RPS6KA3: variants seen among roughly 807,000 people sequenced by gnomAD.
The protein encoded by RPS6KA3 is ribosomal protein S6 kinase alpha-3.
RPS6KA3 carries 4 observed loss-of-function variants against 67.2 expected under a neutral mutation model. The observed-to-expected ratio is 0.06, with a 90% CI of 0.03 to 0.14. The LOEUF (loss-of-function observed/expected upper bound fraction) is 0.14. Among genes scored for constraint, RPS6KA3 ranks in the 10% least tolerant of loss-of-function variants. The pLI, the probability that RPS6KA3 is intolerant of heterozygous loss-of-function variation, is 1.00. For missense variants in RPS6KA3, 204 were observed against 559.0 expected, an observed-to-expected ratio of 0.36 and a Z score of 6.40; for synonymous variants, 182 against 183.7, an observed-to-expected ratio of 0.99 and a Z score of 0.07.
intron 2 of RPS6KA3, among the ~76,000 whole-genome samples, chrX:20,216,074 C>G (rs1333363164): frequency 1.8e-5 from 2 of 112,064 alleles, no homozygotes; most frequent in African/African-American, 6.5e-5. Context: ...TTTACATTCT[C>G]TGGCACAACT....
chrX:20,198,894 T>C, intron 4 of RPS6KA3, among the ~76,000 whole-genome samples: 1 of 111,289 alleles, frequency 9.0e-6, no homozygotes, highest in African/African-American at 3.3e-5. Flanking sequence ...TTTTTTGAGA[T>C]GGAGTCTTGC....
chrX:20,161,851 T>G, intron 19 of RPS6KA3, 90 bp from the exon 20 acceptor site: 1 of 244,453 alleles, frequency 4.1e-6, no homozygotes, highest in Non-Finnish European at 6.6e-6. Context: ...TAATGTAATA[T>G]TTTATTAAAA....
chrX:20,189,602 A>T (rs2068073487), intron 7 of RPS6KA3, among the ~76,000 whole-genome samples: 1 of 112,109 alleles, frequency 8.9e-6, no homozygotes, highest in Admixed American at 9.5e-5. Flanking sequence ...TAAGCCAATA[A>T]TTGTGTTAAG....
Position 20,188,496 on chromosome X carries a change from C to T in RPS6KA3, c.631+1G>A, listed in dbSNP as rs1322419263. 4 of 992,559 alleles carry T rather than the reference C, an allele frequency of 4.0e-6. No individual in the cohort carries two copies. Among genetic ancestry groups the T allele is most frequent in the African/African-American group, 3.8e-5 (2 of 52,674 alleles). 81.8% of individuals were successfully genotyped at this position (992,559 alleles called of 1,213,427 possible). A position where few individuals can be genotyped will look rare whatever the true frequency, so the allele number is the denominator to read the frequency against. ...TAATAAAACGAGGATTTTTTTTTTA[C>T]CTGTTAACTTGATGTGACCTTCTTC... On this transcript the variant is annotated splice_donor_variant, in intron 8 of 21. Coordinates refer to ENST00000379565, the MANE Select transcript of RPS6KA3 (RefSeq NM_004586.3). LOFTEE classifies it high-confidence loss of function.
At chrX:20,223,739 G>A (rs754845553) in intron 2 of RPS6KA3, among the ~76,000 whole-genome samples, 15 of 111,674 alleles carry the variant, frequency 1.3e-4, no homozygotes, top group East Asian at 2.8e-4. Context: ...AATCTCAGAC[G>A]TTATATCATT....
chrX:20,218,426 T>A, intron 2 of RPS6KA3, among the ~76,000 whole-genome samples: 1 of 111,922 alleles, frequency 8.9e-6, no homozygotes, highest in Admixed American at 9.6e-5. Context: ...GTTTTCATTA[T>A]AGTAATCTCC....
At chrX:20,155,559 T>C (rs757444131) in intron 21 of RPS6KA3, 39 bp from the exon 22 acceptor site, 3 of 1,188,684 alleles carry the variant, frequency 2.5e-6, no homozygotes, top group Admixed American at 4.3e-5. Context: ...AAAGTGACAA[T>C]GGATAGTCAC....
At chrX:20,209,012 G>A (rs1487589521) in intron 3 of RPS6KA3, among the ~76,000 whole-genome samples, 1 of 111,116 alleles carries the variant, frequency 9.0e-6, no homozygotes, top group Non-Finnish European at 1.9e-5. Context: ...GGAATATCTT[G>A]TGATTTTTAA....
intron 18 of RPS6KA3, among the ~76,000 whole-genome samples, chrX:20,163,754 C>G (rs906963740): frequency 1.8e-5 from 2 of 110,772 alleles, no homozygotes; most frequent in African/African-American, 6.6e-5. Flanking sequence ...CTGCAGCCTC[C>G]GCCTCCCGGG....
At chrX:20,188,029 T>C in intron 8 of RPS6KA3, 59 bp from the exon 9 acceptor site, 5 of 1,036,479 alleles carry the variant, frequency 4.8e-6, no homozygotes, top group South Asian at 2.0e-5. Context: ...ATTTTAAACT[T>C]TGAGTTCTGA....
At chrX:20,230,646 C>T (rs1277216716) in intron 2 of RPS6KA3, among the ~76,000 whole-genome samples, 2 of 111,093 alleles carry the variant, frequency 1.8e-5, no homozygotes, top group Non-Finnish European at 3.8e-5. Flanking sequence ...CCTGGTAGGT[C>T]ATGTTATGGA....
At chrX:20,180,100 C>G (rs2067805294) in intron 10 of RPS6KA3, among the ~76,000 whole-genome samples, 1 of 98,612 alleles carries the variant, frequency 1.0e-5, no homozygotes, top group African/African-American at 3.7e-5. Flanking sequence ...AAAATTTAAA[C>G]TTTTTTTTTT....
intron 15 of RPS6KA3, among the ~76,000 whole-genome samples, chrX:20,171,185 G>A (rs1241026217): frequency 1.8e-5 from 2 of 112,187 alleles, no homozygotes; most frequent in East Asian, 5.5e-4. Context: ...CTATCAGTGA[G>A]GCTTCTGGTC....
In RPS6KA3 at chrX:20,153,864, A is replaced by C. The variant is rs1302880393; in HGVS notation, c.*1534T>G. ...TCAAACTCCTGACCTCAGGTGATCC[A>C]CCTGCCTCGGCCTCCCAAAATGCTG... is the stretch of plus-strand genomic sequence containing the variant. On this transcript the variant is annotated 3_prime_UTR_variant, in exon 22 of 22. Transcript: ENST00000379565. The C allele has an allele frequency of 8.9e-6, 1 of 111,844 alleles. No individual in the cohort carries two copies. The highest frequency in any genetic ancestry group is 3.3e-5 in the African/African-American group (1 of 30,761). 9.2% of individuals were successfully genotyped at this position (111,844 alleles called of 1,213,427 possible).
Position 20,156,145 on chromosome X carries a change from G to A in RPS6KA3, c.2064C>T (p.Tyr688=), listed in dbSNP as rs1040848851. 8.3e-7 allele frequency: 1 copy of A among 1,211,116 alleles called. No homozygotes were observed. The highest frequency in any genetic ancestry group is 1.1e-6 in the Non-Finnish European group (1 of 895,042). The change falls in exon 21 of 22, where the codon TAC becomes TAT. Residue 688 remains tyrosine (Y), a synonymous_variant. Coordinates refer to ENST00000379565, the MANE Select transcript of RPS6KA3 (RefSeq NM_004586.3). ...WIVHWDQLPQ[Y]QLNRQDAPHL... ...GTGGTGCATCCTGTCTGTTTAGTTG[G>A]TATTGTGGCAGTTGGTCCCAGTGGA... is the stretch of plus-strand genomic sequence containing the variant.
At chrX:20,236,528 A>ATTCAT (rs370175177) in intron 1 of RPS6KA3, among the ~76,000 whole-genome samples, 3,170 of 111,046 alleles carry the variant, frequency 0.029, 120 homozygotes, top group African/African-American at 0.093. Context: ...CCATCCATTC[A>ATTCAT]TTCATTTCAT....
chrX:20,247,459 A>G (rs970191489), intron 1 of RPS6KA3, among the ~76,000 whole-genome samples: 21 of 111,339 alleles, frequency 1.9e-4, no homozygotes, highest in African/African-American at 4.9e-4. Context: ...CACATAAGCT[A>G]TAACTTAGAG....
intron 13 of RPS6KA3, among the ~76,000 whole-genome samples, chrX:20,175,549 T>G (rs2067678778): frequency 9.0e-6 from 1 of 111,620 alleles, no homozygotes; most frequent in African/African-American, 3.3e-5. Context: ...ATCGATGAAT[T>G]ATAGGGTTAA....
intron 1 of RPS6KA3, among the ~76,000 whole-genome samples, chrX:20,258,043 G>A (rs1218439251): frequency 8.9e-6 from 1 of 111,837 alleles, no homozygotes. Context: ...TTTAGAAAAG[G>A]TTTAGCCTAT....
Sources: allele counts gnomAD v4.1 joint callset (sites outside exome capture counted in the v4.1 genomes callset), GRCh38; gene constraint gnomAD v4.1.1; transcripts MANE v1.5; gene names NCBI Gene and HGNC (gene_info 2026-07-23, HGNC 2026-07-21).